The following TLN2 variants were observed in gnomAD, a reference collection of about 807,000 sequenced individuals.
TLN2 encodes the protein talin-2.
In TLN2, 118 loss-of-function variants were observed where a neutral mutation model predicts 294.7. The observed-to-expected ratio is 0.40, with a 90% CI of 0.34 to 0.47. TLN2 has a LOEUF of 0.47. Among genes scored for constraint, TLN2 ranks in the 20% least tolerant of loss-of-function variants. The pLI, the probability that TLN2 is intolerant of heterozygous loss-of-function variation, is 0.84. For missense variants in TLN2, 3,083 were observed against 3,282.2 expected (o/e 0.94, Z 1.48); for synonymous variants, 1,431 against 1,304.5 (o/e 1.10, Z -2.09).
chr15:62,730,771 C>T (rs768650254), intron 28 of TLN2, among the ~76,000 whole-genome samples: 14 of 151,908 alleles, frequency 9.2e-5, no homozygotes, highest in South Asian at 6.2e-4. Context: ...TTTTAGTCTT[C>T]GATTTTCCAG....
intron 11 of TLN2, among the ~76,000 whole-genome samples, chr15:62,685,307 A>G (rs1413370959): frequency 1.3e-5 from 2 of 152,136 alleles, no homozygotes; most frequent in African/African-American, 2.4e-5. Flanking sequence ...TGGATATATC[A>G]TAATTTATGT....
At chr15:62,618,634 C>A (rs2048509807) in intron 3 of TLN2, among the ~76,000 whole-genome samples, 159 bp downstream of exon 3, 1 of 152,212 alleles carries the variant, frequency 6.6e-6, no homozygotes, top group African/African-American at 2.4e-5. Flanking sequence ...ATGACAGAGT[C>A]AGCAGAGCTG....
intron 19 of TLN2, among the ~76,000 whole-genome samples, chr15:62,703,895 C>T (rs554180648): frequency 4.6e-5 from 7 of 152,288 alleles, no homozygotes; most frequent in Admixed American, 6.5e-5. Context: ...AAGGGTGGGG[C>T]GCAGAGGCCT....
intron 1 of TLN2, among the ~76,000 whole-genome samples, chr15:62,403,734 T>C (rs2033193956): frequency 6.6e-6 from 1 of 152,218 alleles, no homozygotes; most frequent in Admixed American, 6.5e-5. Flanking sequence ...TGCTGGATGT[T>C]TCTTCCTGGC....
intron 45 of TLN2, among the ~76,000 whole-genome samples, chr15:62,786,368 G>A (rs1424351737): frequency 6.6e-6 from 1 of 152,160 alleles, no homozygotes; most frequent in Non-Finnish European, 1.5e-5. Flanking sequence ...TCATAGCTCT[G>A]CCCTGGAACA....
At position 62,833,518 on chromosome 15, in the gene TLN2, C is replaced by T; in HGVS notation, c.7017C>T (p.Thr2339=). 1 of 1,613,912 alleles carries T rather than the reference C, an allele frequency of 6.2e-7. No homozygotes were observed. ...PRAKPKQADE[T]LDFEEQILEA... ...TTTGGTTATAGCAAGCGGATGAGAC[C>T]CTGGACTTTGAGGAACAGATCTTGG... is the stretch of plus-strand genomic sequence containing the variant. Residue 2339 remains threonine, a synonymous_variant, in exon 55 of 59, where the codon ACC becomes ACT. Transcript: ENST00000636159.
At chr15:62,410,488 C>T (rs2033706988) in intron 1 of TLN2, among the ~76,000 whole-genome samples, 1 of 152,190 alleles carries the variant, frequency 6.6e-6, no homozygotes, top group South Asian at 2.1e-4. Context: ...AGGAACTTGT[C>T]ACTTTAGCCA....
intron 3 of TLN2, among the ~76,000 whole-genome samples, chr15:62,646,857 C>T (rs1448250849): frequency 6.6e-6 from 1 of 152,132 alleles, no homozygotes; most frequent in East Asian, 1.9e-4. Flanking sequence ...GCTGAGAGGA[C>T]CCAGGGAACT....
chr15:62,539,670 C>T lies in TLN2; in HGVS notation c.-237-50017C>T, dbSNP rs1448824403. Among the ~76,000 whole-genome samples, 4 of 152,018 alleles carry T rather than the reference C, an allele frequency of 2.6e-5. 1 individual carries two copies. The highest frequency in any genetic ancestry group is 4.2e-4 in the South Asian group (2 of 4,810). On this transcript the variant is annotated intron_variant, in intron 1 of 58. Coordinates refer to ENST00000636159, the MANE Select transcript of TLN2 (RefSeq NM_015059.3). ...GCCTGGTGGGGCCGGGTGGGTAACCCGAGGGGCTCATTATCTCAGGTGAAC... is the reference window on the plus strand; with the variant it reads ...GCCTGGTGGGGCCGGGTGGGTAACCTGAGGGGCTCATTATCTCAGGTGAAC...
Position 62,648,013 on chromosome 15 carries a change from G to A in TLN2, c.136+567G>A, listed in dbSNP as rs192854182. On this transcript the variant is annotated intron_variant, in intron 4 of 58. Transcript: ENST00000636159. ...ACCATTTTATTTTCCCCTTCCCTTT[G>A]TCTTCTCTCAATTTGTCTTTCTTTT... is the stretch of plus-strand genomic sequence containing the variant. Among the ~76,000 whole-genome samples the A allele has an allele frequency of 9.1e-3, 1,389 of 152,156 alleles. 13 individuals carry two copies. The highest frequency in any genetic ancestry group is 0.041 in the Middle Eastern group (12 of 294).
intron 37 of TLN2, among the ~76,000 whole-genome samples, chr15:62,758,990 A>G (rs1567542521): frequency 6.6e-6 from 1 of 152,186 alleles, no homozygotes; most frequent in Admixed American, 6.5e-5. Flanking sequence ...TTTCTCCCAG[A>G]TGTCCGTGGT....
intron 3 of TLN2, among the ~76,000 whole-genome samples, chr15:62,618,859 T>A (rs2048530453): frequency 1.3e-5 from 2 of 152,248 alleles, no homozygotes; most frequent in African/African-American, 4.8e-5. Context: ...AAAGGTTCAG[T>A]TAGAAAATGT....
At chr15:62,775,833 C>T (rs568676253) in intron 42 of TLN2, among the ~76,000 whole-genome samples, 39 of 152,356 alleles carry the variant, frequency 2.6e-4, no homozygotes, top group African/African-American at 9.1e-4. Flanking sequence ...ACCCTGAAAC[C>T]TGACATCAGG....
intron 1 of TLN2, among the ~76,000 whole-genome samples, chr15:62,438,609 G>T (rs1219330187): frequency 6.6e-6 from 1 of 152,174 alleles, no homozygotes; most frequent in East Asian, 1.9e-4. Flanking sequence ...AGGGAAGTAG[G>T]GAGGTAGGTG....
At chr15:62,751,324 C>G (rs996367616) in intron 34 of TLN2, among the ~76,000 whole-genome samples, 1 of 152,134 alleles carries the variant, frequency 6.6e-6, no homozygotes, top group Non-Finnish European at 1.5e-5. Context: ...AACATCTGTG[C>G]TGGTAATGTC....
chr15:62,787,531 A>G (rs1250592867), intron 45 of TLN2, among the ~76,000 whole-genome samples: 1 of 152,124 alleles, frequency 6.6e-6, no homozygotes, highest in African/African-American at 2.4e-5. Context: ...CTCAAGTAAC[A>G]CTTTTCTAAA....
intron 31 of TLN2, chr15:62,740,405 A>T (rs1410463598): frequency 2.0e-6 from 1 of 503,794 alleles, no homozygotes; most frequent in African/African-American, 1.9e-5. Flanking sequence ...CCACTTGGGG[A>T]TGGATTTCTT....
intron 1 of TLN2, among the ~76,000 whole-genome samples, chr15:62,585,267 G>C (rs2045496471): frequency 6.6e-6 from 1 of 152,196 alleles, no homozygotes; most frequent in Admixed American, 6.5e-5. Flanking sequence ...GTCTCCATCA[G>C]ATTACTTAAT....
intron 1 of TLN2, among the ~76,000 whole-genome samples, chr15:62,419,704 T>C (rs1026984536): frequency 2.0e-5 from 3 of 151,684 alleles, no homozygotes; most frequent in Non-Finnish European, 2.9e-5. Flanking sequence ...CTGGAGTGCA[T>C]TGGCTCACTG....
Sources: gnomAD v4.1 joint callset for allele counts (sites outside exome capture counted in the v4.1 genomes callset) on GRCh38, gnomAD v4.1.1 for gene constraint, MANE v1.5 for transcripts, NCBI Gene and HGNC (gene_info 2026-07-23, HGNC 2026-07-21) for gene names.